The following SLC4A4 variants were observed in gnomAD, a reference collection of about 807,000 sequenced individuals.
SLC4A4 encodes solute carrier family 4 member 4, also known as electrogenic sodium bicarbonate cotransporter 1.
SLC4A4 carries 27 observed loss-of-function variants against 111.5 expected under a neutral mutation model. The observed-to-expected ratio is 0.24, with a 90% confidence interval of 0.18 to 0.33. The LOEUF (loss-of-function observed/expected upper bound fraction) is 0.33. Among genes scored for constraint, SLC4A4 ranks in the 10% least tolerant of loss-of-function variants. SLC4A4 has a pLI of 1.00. For synonymous variants in SLC4A4, 443 were observed against 463.4 expected (o/e 0.96, Z 0.57); for missense variants, 909 against 1,315.5 (o/e 0.69, Z 4.78).
chr4:71,163,749 C>T (rs1277292992), intron 2 of SLC4A4, among the ~76,000 whole-genome samples: 1 of 152,202 alleles, frequency 6.6e-6, no homozygotes, highest in Non-Finnish European at 1.5e-5. Context: ...TGCATATCAC[C>T]TATAGCTGCT....
At chr4:71,322,013 C>G (rs182930261) in intron 3 of SLC4A4, among the ~76,000 whole-genome samples, 69 of 152,078 alleles carry the variant, frequency 4.5e-4, no homozygotes, top group Admixed American at 3.1e-3. Flanking sequence ...TTTGGACCCT[C>G]AACTCAGAAC....
chr4:71,400,142 G>A (rs565598425), intron 7 of SLC4A4, among the ~76,000 whole-genome samples: 2 of 152,282 alleles, frequency 1.3e-5, no homozygotes, highest in East Asian at 1.9e-4. Context: ...TCTTGAGGAA[G>A]CCTTCTTTTA....
At chr4:71,248,348 C>T (rs1720830344) in intron 2 of SLC4A4, among the ~76,000 whole-genome samples, 1 of 151,062 alleles carries the variant, frequency 6.6e-6, no homozygotes, top group Admixed American at 6.6e-5. Flanking sequence ...TCAGAATGTG[C>T]ATTAAATAAA....
chr4:71,350,268 C>G (rs1729695647), intron 5 of SLC4A4, among the ~76,000 whole-genome samples, 196 bp downstream of exon 5: 1 of 152,086 alleles, frequency 6.6e-6, no homozygotes, highest in Admixed American at 6.5e-5. Context: ...AAATAGAAAA[C>G]TATCTTCCAT....
intron 1 of SLC4A4, among the ~76,000 whole-genome samples, chr4:71,210,556 T>G (rs542450083): frequency 1.3e-5 from 2 of 152,204 alleles, no homozygotes; most frequent in African/African-American, 4.8e-5. Flanking sequence ...AAATAACATG[T>G]TATTTGTGAT....
chr4:71,416,398 G>C (rs896731852), intron 7 of SLC4A4, among the ~76,000 whole-genome samples: 1 of 152,090 alleles, frequency 6.6e-6, no homozygotes, highest in Non-Finnish European at 1.5e-5. Context: ...AAACAATTAC[G>C]ACAATATTGT....
intron 2 of SLC4A4, among the ~76,000 whole-genome samples, chr4:71,177,244 T>C (rs954007024): frequency 3.9e-5 from 6 of 152,130 alleles, no homozygotes; most frequent in Non-Finnish European, 7.3e-5. Flanking sequence ...GTAAAGACCA[T>C]TGAGGCTAGG....
chr4:71,319,108 A>G (rs1298840974), intron 3 of SLC4A4, among the ~76,000 whole-genome samples: 2 of 152,018 alleles, frequency 1.3e-5, no homozygotes. Context: ...ACTTAAATGG[A>G]TATCAATAGG....
chr4:71,486,194 G>T (rs929253987), intron 14 of SLC4A4, among the ~76,000 whole-genome samples: 1 of 151,264 alleles, frequency 6.6e-6, no homozygotes, highest in Non-Finnish European at 1.5e-5. Flanking sequence ...AATACATAAA[G>T]CTTTGCAAAA....
chr4:71,220,868 C>G (rs764537732), intron 1 of SLC4A4, among the ~76,000 whole-genome samples: 2 of 152,148 alleles, frequency 1.3e-5, no homozygotes, highest in Non-Finnish European at 2.9e-5. Flanking sequence ...CTCCCTCCTT[C>G]CACACTCCCC....
chr4:71,087,981 A>G (rs1742240564), intron 1 of SLC4A4, among the ~76,000 whole-genome samples: 3 of 151,560 alleles, frequency 2.0e-5, no homozygotes, highest in South Asian at 4.2e-4. Context: ...TGTCTCATTC[A>G]TCTGTCTAAT....
intron 3 of SLC4A4, among the ~76,000 whole-genome samples, chr4:71,275,322 T>C (rs544786604): frequency 6.6e-6 from 1 of 152,308 alleles, no homozygotes; most frequent in Non-Finnish European, 1.5e-5. Context: ...AGAACAACTT[T>C]GTCTTGAGCA....
chr4:71,175,449 T>A (rs1233963157), intron 2 of SLC4A4, among the ~76,000 whole-genome samples: 1 of 152,242 alleles, frequency 6.6e-6, no homozygotes, highest in African/African-American at 2.4e-5. Flanking sequence ...GGGTGACAGA[T>A]GACACCTGGA....
chr4:71,203,274 G>T (rs1746338397), intron 1 of SLC4A4, among the ~76,000 whole-genome samples: 1 of 152,124 alleles, frequency 6.6e-6, no homozygotes, highest in African/African-American at 2.4e-5. Flanking sequence ...GATTTAATGG[G>T]AAACAACTCT....
intron 4 of SLC4A4, among the ~76,000 whole-genome samples, chr4:71,347,090 G>T (rs927234838): frequency 6.6e-6 from 1 of 151,960 alleles, no homozygotes; most frequent in Non-Finnish European, 1.5e-5. Flanking sequence ...AATCCAGAAG[G>T]GTGAGTAATA....
chr4:71,564,710 T>C (rs1737308780), intron 24 of SLC4A4, among the ~76,000 whole-genome samples: 1 of 151,864 alleles, frequency 6.6e-6, no homozygotes, highest in African/African-American at 2.4e-5. Flanking sequence ...AAAAAGACAG[T>C]TAAGACACTT....
chr4:71,355,401 C>T (rs1442556845), intron 5 of SLC4A4, among the ~76,000 whole-genome samples: 4 of 152,224 alleles, frequency 2.6e-5, no homozygotes, highest in Non-Finnish European at 2.9e-5. Context: ...TAATTATTTA[C>T]TGTGGAAGAG....
At chr4:71,130,222 G>C (rs1743665280) in intron 2 of SLC4A4, among the ~76,000 whole-genome samples, 1 of 152,014 alleles carries the variant, frequency 6.6e-6, no homozygotes. Flanking sequence ...GAGTTCTCTT[G>C]TAATGTTAAT....
chr4:71,555,636 C>G (rs1317790591), intron 21 of SLC4A4, among the ~76,000 whole-genome samples: 1 of 151,894 alleles, frequency 6.6e-6, no homozygotes, highest in Non-Finnish European at 1.5e-5. Context: ...GATCAATAAT[C>G]AAAAGTTTTT....
Sources: gnomAD v4.1 joint callset for allele counts (sites outside exome capture counted in the v4.1 genomes callset) on GRCh38, gnomAD v4.1.1 for gene constraint, MANE v1.5 for transcripts, NCBI Gene and HGNC (gene_info 2026-07-23, HGNC 2026-07-21) for gene names.